The following ORMDL3 variants were observed in gnomAD, a reference collection of about 807,000 sequenced individuals.
ORMDL3 encodes ORMDL sphingolipid biosynthesis regulator 3.
Under a neutral mutation model 12.6 loss-of-function variants are expected in ORMDL3, and 6 were observed. The observed-to-expected ratio is 0.48, with a 90% CI of 0.26 to 0.94. ORMDL3 has a LOEUF of 0.94. ORMDL3 is among the 40% of genes least tolerant of loss of function. The pLI, the probability that ORMDL3 is intolerant of heterozygous loss-of-function variation, is 0.14. For missense variants in ORMDL3, 159 were observed against 205.5 expected (o/e 0.77, Z 1.38); for synonymous variants, 99 against 87.2 (o/e 1.14, Z -0.75).
At position 39,923,117 on chromosome 17, in the gene ORMDL3, G is replaced by C; in HGVS notation, c.321C>G (p.Ile107Met). 1 of 1,614,198 alleles carries C rather than the reference G, an allele frequency of 6.2e-7. No homozygotes were observed. The highest frequency in any genetic ancestry group is 8.5e-7 in the Non-Finnish European group (1 of 1,180,024). ...CCTGTAGCCCAGGCACTCACAGCACGATGGGTGTGATGGTCAAGAACTTCC... is the reference window on the plus strand; with the variant it reads ...CCTGTAGCCCAGGCACTCACAGCACCATGGGTGTGATGGTCAAGAACTTCC... ...ASRKFLTITP[I>M]VLYFLTSFYT... The change falls in exon 3 of 4, where the codon ATC (isoleucine) becomes ATG (methionine). Residue 107 changes from isoleucine to methionine, a missense_variant. Physicochemically the swap from Ile to Met is conservative, Grantham distance 10 (BLOSUM62 1). Transcript: ENST00000304046.
At chr17:39,926,674 A>C (rs923701309) in intron 1 of ORMDL3, 1 of 610,482 alleles carries the variant, frequency 1.6e-6, no homozygotes, top group Non-Finnish European at 2.0e-6. Context: ...TTCCCGCCCC[A>C]CCCTCTTGGC....
chr17:39,923,989 G>A, intron 2 of ORMDL3, 41 bp downstream of exon 2: 1 of 1,532,846 alleles, frequency 6.5e-7, no homozygotes, highest in Non-Finnish European at 8.8e-7. Flanking sequence ...AGCCCACAGG[G>A]CAGGGGCAGG....
Position 39,922,347 on chromosome 17 carries a change from G to A in ORMDL3, c.*203C>T, listed in dbSNP as rs1054993834. 2 of 576,056 alleles carry A rather than the reference G, an allele frequency of 3.5e-6. No homozygotes were observed. Among genetic ancestry groups the A allele is most frequent in the Non-Finnish European group, 6.0e-6 (2 of 332,382 alleles). The allele number at this position is 576,056 out of a possible 1,614,324, so 35.7% of individuals were successfully genotyped here. On this transcript the variant is annotated 3_prime_UTR_variant, in exon 4 of 4. Transcript: ENST00000304046. ...AGATCAAAAAATTCAGAAAAGGTCA[G>A]AGCCCAGGGGGCCTACCCCAACCCC...
At chr17:39,925,951 T>G (rs950553107) in intron 1 of ORMDL3, 1 of 152,202 alleles carries the variant, frequency 6.6e-6, no homozygotes, top group African/African-American at 2.4e-5. Flanking sequence ...GGACAGCTGC[T>G]ACGCAAAAGC....
chr17:39,926,083 C>T (rs1158730555), intron 1 of ORMDL3: 3 of 152,044 alleles, frequency 2.0e-5, no homozygotes. Flanking sequence ...CCCATCACCT[C>T]TCTGTAACCC....
intron 2 of ORMDL3, among the ~76,000 whole-genome samples, chr17:39,923,828 A>G (rs1232282924): frequency 1.1e-4 from 17 of 152,054 alleles, no homozygotes; most frequent in Non-Finnish European, 8.8e-5. Context: ...GATTCCTGTC[A>G]TGGTACACAG....
At chr17:39,925,914 G>C (rs1453111855) in intron 1 of ORMDL3, 1 of 152,180 alleles carries the variant, frequency 6.6e-6, no homozygotes, top group Non-Finnish European at 1.5e-5. Flanking sequence ...CAGGGCCTTG[G>C]GGCTTCAGTT....
intron 2 of ORMDL3, 64 bp from the exon 3 acceptor site, chr17:39,923,327 C>T (rs1185864689): frequency 1.3e-5 from 21 of 1,556,846 alleles, no homozygotes; most frequent in Non-Finnish European, 9.7e-6. Flanking sequence ...AGCTCCTCCA[C>T]CCAGTCACAG....
At position 39,922,528 on chromosome 17, in the gene ORMDL3, G is replaced by T. The variant is rs1188742862; in HGVS notation, c.*22C>A. 6.2e-7 allele frequency: 1 copy of T among 1,609,964 alleles called. No individual in the cohort carries two copies. The highest frequency in any genetic ancestry group is 1.1e-5 in the South Asian group (1 of 90,632). ...ACCCTACCCCTCCCCTGCCACCCTG[G>T]GCAGGGGAAGGGGCTGCACTCTCAG... On this transcript the variant is annotated 3_prime_UTR_variant, in exon 4 of 4. Coordinates refer to ENST00000304046, the MANE Select transcript of ORMDL3 (RefSeq NM_139280.4).
Position 39,922,483 on chromosome 17 carries a change from T to C in ORMDL3, c.*67A>G. On this transcript the variant is annotated 3_prime_UTR_variant, in exon 4 of 4. Transcript: ENST00000304046. ...AGAGGCTTCTTCTTTCTGTCTTCAGTGTTGCAGCACATGCCTTTTACCCTA... is the reference window on the plus strand; with the variant it reads ...AGAGGCTTCTTCTTTCTGTCTTCAGCGTTGCAGCACATGCCTTTTACCCTA... The C allele has an allele frequency of 6.5e-7, 1 of 1,529,238 alleles. No individual in the cohort carries two copies. Among genetic ancestry groups the C allele is most frequent in the Non-Finnish European group, 8.8e-7 (1 of 1,131,082 alleles). 94.7% of individuals were successfully genotyped at this position (1,529,238 alleles called of 1,614,324 possible).
chr17:39,924,059 AGAC>A lies in ORMDL3; in HGVS notation c.142_144del (p.Val48del). ...TTGTGAATGAGGTTGGTGAGGGTCC[AGAC>A]GACAGGGACACTCACAAACGGGATG... On this transcript the variant is annotated inframe_deletion, in exon 2 of 4. Transcript: ENST00000304046. 1.2e-6 allele frequency: 2 copies of A among 1,611,948 alleles called. No individual in the cohort carries two copies. The highest frequency in any genetic ancestry group is 1.7e-6 in the Non-Finnish European group (2 of 1,178,736).
In ORMDL3 at chr17:39,924,177, C is replaced by T. The variant is rs2144746708; in HGVS notation, c.27G>A (p.Glu9=). MNVGTAHS[E]VNPNTRVMNS... Reference sequence around the variant, plus strand: ...TCATCACCCGCGTGTTGGGGTTCACCTCGCTGTGCGCTGTGCCCACATTCA... The same window carrying T: ...TCATCACCCGCGTGTTGGGGTTCACTTCGCTGTGCGCTGTGCCCACATTCA... The change falls in exon 2 of 4, where the codon GAG becomes GAA. Residue 9 remains glutamate, a synonymous_variant. Transcript: ENST00000304046. The T allele has an allele frequency of 1.9e-6, 3 of 1,611,922 alleles. No homozygotes were observed. The East Asian group carries it at 6.7e-5, about 36-fold the overall frequency.
chr17:39,922,243 G>A lies in ORMDL3; in HGVS notation c.*307C>T, dbSNP rs563486118. 1.0e-4 allele frequency: 24 copies of A among 235,668 alleles called. No individual in the cohort carries two copies. Among genetic ancestry groups the A allele is most frequent in the African/African-American group, 5.0e-4 (22 of 44,256 alleles). The allele number at this position is 235,668 out of a possible 1,614,324, so 14.6% of individuals were successfully genotyped here. A position where few individuals can be genotyped will look rare whatever the true frequency, so the allele number is the denominator to read the frequency against. On this transcript the variant is annotated 3_prime_UTR_variant, in exon 4 of 4. Transcript: ENST00000304046. ...TCCCCTGGCCTCCTGTCGCAACTGC[G>A]TGGTCCATGTTCAGCCCAGGAGCCC...
rs995375863 is a variant in ORMDL3, at chr17:39,927,562, C to T, written c.-101G>A. 2 of 985,564 alleles carry T rather than the reference C, an allele frequency of 2.0e-6. No individual in the cohort carries two copies. The highest frequency in any genetic ancestry group is 4.7e-5 in the South Asian group (1 of 21,302). The allele number at this position is 985,564 out of a possible 1,614,324, so 61.1% of individuals were successfully genotyped here. A position where few individuals can be genotyped will look rare whatever the true frequency, so the allele number is the denominator to read the frequency against. Reference sequence around the variant, plus strand: ...CTGCTGCTCCAGCAGCTGTAACAACCCGCGGCTGCAGCCTCCCCGCTGGCA... The same window carrying T: ...CTGCTGCTCCAGCAGCTGTAACAACTCGCGGCTGCAGCCTCCCCGCTGGCA... On this transcript the variant is annotated 5_prime_UTR_variant, in exon 1 of 4. Coordinates refer to ENST00000304046, the MANE Select transcript of ORMDL3 (RefSeq NM_139280.4).
In ORMDL3 at chr17:39,924,045, G is replaced by A; in HGVS notation, c.159C>T (p.Asn53=). ...VSVPVVWTLT[N]LIHNMGMYIF... Reference sequence around the variant, plus strand: ...AGGCTCTCACCATGTTGTGAATGAGGTTGGTGAGGGTCCAGACGACAGGGA... The same window carrying A: ...AGGCTCTCACCATGTTGTGAATGAGATTGGTGAGGGTCCAGACGACAGGGA... Residue 53 remains asparagine (N), a synonymous_variant, in exon 2 of 4, where the codon AAC becomes AAT. Transcript: ENST00000304046. 23 of 1,607,900 alleles carry A rather than the reference G, an allele frequency of 1.4e-5. No individual in the cohort carries two copies. The highest frequency in any genetic ancestry group is 2.0e-5 in the Non-Finnish European group (23 of 1,176,542).
At chr17:39,922,877 G>A (rs1028411860) in intron 3 of ORMDL3, among the ~76,000 whole-genome samples, 192 bp from the exon 4 acceptor site, 2 of 152,218 alleles carry the variant, frequency 1.3e-5, no homozygotes, top group Non-Finnish European at 2.9e-5. Flanking sequence ...CCACCTCCCA[G>A]CTTCACCCCA....
intron 1 of ORMDL3, 52 bp downstream of exon 1, chr17:39,927,432 C>G (rs1250315990): frequency 1.0e-6 from 1 of 985,560 alleles, no homozygotes; most frequent in Non-Finnish European, 1.2e-6. Context: ...CCCCCACCTT[C>G]TCTCCCGCCC....
chr17:39,924,294 G>T (rs535539995), intron 1 of ORMDL3, 69 bp from the exon 2 acceptor site: 2 of 1,443,668 alleles, frequency 1.4e-6, no homozygotes, highest in East Asian at 2.4e-5. Context: ...CTCGGATCCC[G>T]CTGGGAGGCA....
chr17:39,922,606 TA>T lies in ORMDL3; in HGVS notation c.405del (p.Ile136SerfsTer35). 1 of 1,614,134 alleles carries T rather than the reference TA, an allele frequency of 6.2e-7. No homozygotes were observed. The highest frequency in any genetic ancestry group is 1.7e-5 in the Admixed American group (1 of 60,016). Reference protein sequence around the residue: ...VLNTVSLMSVLIPKLPQLHGV... With the variant: ...VLNTVSLMSVXIPKLPQLHGV... ...CCGTGGAGCTGGGGCAGCTTGGGGATAAGCACGCTCATCAGGGACACGGTGT... is the reference window on the plus strand; with the variant it reads ...CCGTGGAGCTGGGGCAGCTTGGGGATAGCACGCTCATCAGGGACACGGTGT... On this transcript the variant is annotated frameshift_variant, in exon 4 of 4. Coordinates refer to ENST00000304046, the MANE Select transcript of ORMDL3 (RefSeq NM_139280.4). LOFTEE classifies it high-confidence loss of function.
Sources: allele counts gnomAD v4.1 joint callset (sites outside exome capture counted in the v4.1 genomes callset), GRCh38; gene constraint gnomAD v4.1.1; transcripts MANE v1.5; gene names NCBI Gene and HGNC (gene_info 2026-07-23, HGNC 2026-07-21).